CCDC102B: variants seen among roughly 807,000 people sequenced by gnomAD.
CCDC102B encodes the protein coiled-coil domain containing 102B, also known as coiled-coil domain-containing protein 102B.
In CCDC102B, 75 loss-of-function variants were observed where a neutral mutation model predicts 57.4. The ratio of observed to expected loss-of-function variants is 1.31; its 90% CI spans 1.08 to 1.58. CCDC102B has a LOEUF of 1.58. Ranked by LOEUF, CCDC102B falls within the 40% of genes most tolerant of loss-of-function variation. CCDC102B has a pLI of 0.00. For synonymous variants in CCDC102B, 206 were observed against 201.9 expected (o/e 1.02, Z -0.17); for missense variants, 636 against 582.6 (o/e 1.09, Z -0.94).
chr18:69,030,140 A>G (rs1459279053), intron 7 of CCDC102B, among the ~76,000 whole-genome samples: 1 of 152,220 alleles, frequency 6.6e-6, no homozygotes, highest in Non-Finnish European at 1.5e-5. Context: ...AGTGATAACA[A>G]CAAACCTAAA....
rs565700795 is a variant in CCDC102B, at chr18:68,911,614, T to C, written c.1263+14186T>C. Among the ~76,000 whole-genome samples the C allele has an allele frequency of 7.6e-4, 112 of 147,668 alleles. 1 individual carries two copies. The Middle Eastern group carries it at 0.01, about 14-fold the overall frequency. ...AAAAATACAAAAAATTAGCCGGGCG[T>C]GGTGGCGGGCGCCTGTAGTCCCAGC... is the stretch of plus-strand genomic sequence containing the variant. On this transcript the variant is annotated intron_variant, in intron 6 of 7. Transcript: ENST00000360242.
At chr18:68,830,634 T>TACA (rs200824282) in intron 1 of CCDC102B, among the ~76,000 whole-genome samples, 1 of 151,144 alleles carries the variant, frequency 6.6e-6, no homozygotes, top group African/African-American at 2.4e-5. Context: ...ATATTGTATA[T>TACA]TATGTTTATT....
At chr18:68,886,095 G>A (rs1443226403) in intron 5 of CCDC102B, among the ~76,000 whole-genome samples, 3 of 151,784 alleles carry the variant, frequency 2.0e-5, no homozygotes, top group Non-Finnish European at 2.9e-5. Context: ...ACGTGGCCGG[G>A]GGCAGTGGCT....
intron 1 of CCDC102B, among the ~76,000 whole-genome samples, chr18:68,822,380 C>G (rs112224182): frequency 0.024 from 3,506 of 146,432 alleles, 111 homozygotes; most frequent in African/African-American, 0.07. Context: ...GGCAACATAG[C>G]GAGACTCCAT....
At chr18:68,957,186 C>T (rs911491934) in intron 6 of CCDC102B, among the ~76,000 whole-genome samples, 1 of 151,930 alleles carries the variant, frequency 6.6e-6, no homozygotes, top group African/African-American at 2.4e-5. Flanking sequence ...GTGTATTATT[C>T]AAGAAATTTT....
At chr18:68,737,484 G>A (rs916677404) in intron 2 of CCDC102B, among the ~76,000 whole-genome samples, 1 of 151,686 alleles carries the variant, frequency 6.6e-6, no homozygotes, top group African/African-American at 2.4e-5. Flanking sequence ...TGGCAGTGGT[G>A]TGTGTATGTG....
chr18:68,803,756 A>G (rs2035936631), intron 1 of CCDC102B, among the ~76,000 whole-genome samples: 1 of 143,260 alleles, frequency 7.0e-6, no homozygotes, highest in Admixed American at 6.7e-5. Flanking sequence ...TTACATGGTC[A>G]CCAACCTAAT....
chr18:68,855,224 G>C (rs772286654), intron 4 of CCDC102B, among the ~76,000 whole-genome samples: 14 of 152,106 alleles, frequency 9.2e-5, no homozygotes, highest in Non-Finnish European at 1.3e-4. Flanking sequence ...TGAACCATAT[G>C]CTCAATGTTT....
intron 7 of CCDC102B, among the ~76,000 whole-genome samples, chr18:69,018,001 G>A (rs1281707050): frequency 1.3e-5 from 2 of 152,098 alleles, no homozygotes; most frequent in Non-Finnish European, 2.9e-5. Context: ...ATTTCTGTGT[G>A]TGTGTGTGTG....
At chr18:68,886,430 G>T (rs2039886376) in intron 5 of CCDC102B, among the ~76,000 whole-genome samples, 1 of 108,094 alleles carries the variant, frequency 9.3e-6, no homozygotes, top group Non-Finnish European at 1.9e-5. Flanking sequence ...GAAGTATTTG[G>T]ATATTAACAG....
At chr18:68,806,484 T>G (rs1388666436) in intron 1 of CCDC102B, among the ~76,000 whole-genome samples, 3 of 152,136 alleles carry the variant, frequency 2.0e-5, no homozygotes, top group African/African-American at 7.2e-5. Flanking sequence ...GCAAGTAATA[T>G]TATTAGTAAT....
At chr18:68,908,084 A>G (rs763970944) in intron 6 of CCDC102B, 5 of 152,164 alleles carry the variant, frequency 3.3e-5, no homozygotes, top group Non-Finnish European at 7.4e-5. Flanking sequence ...GGTGTTTTAA[A>G]TGACTCATTT....
intron 6 of CCDC102B, among the ~76,000 whole-genome samples, chr18:69,001,646 G>A (rs1325014189): frequency 2.0e-5 from 3 of 152,154 alleles, no homozygotes; most frequent in African/African-American, 7.2e-5. Flanking sequence ...CTCCACCACA[G>A]GGCACAGGCT....
chr18:68,887,604 C>T (rs1412207204), intron 5 of CCDC102B, among the ~76,000 whole-genome samples: 7 of 152,172 alleles, frequency 4.6e-5, no homozygotes, highest in African/African-American at 1.7e-4. Context: ...TCGATCCTTT[C>T]AACTAACTCA....
At chr18:69,031,079 G>C (rs930559768) in intron 7 of CCDC102B, among the ~76,000 whole-genome samples, 3 of 152,172 alleles carry the variant, frequency 2.0e-5, no homozygotes, top group African/African-American at 7.2e-5. Context: ...ATGACCTAAA[G>C]GGCTTCATTA....
chr18:68,997,309 A>G (rs2051056427), intron 6 of CCDC102B, among the ~76,000 whole-genome samples: 1 of 152,162 alleles, frequency 6.6e-6, no homozygotes. Flanking sequence ...TATACTTACA[A>G]TTCTAATTTG....
At chr18:68,813,786 A>T (rs2036367492) in intron 1 of CCDC102B, among the ~76,000 whole-genome samples, 1 of 150,018 alleles carries the variant, frequency 6.7e-6, no homozygotes, top group Non-Finnish European at 1.5e-5. Context: ...ATATATATAT[A>T]TATATATCTT....
chr18:68,747,658 T>C (rs192511588), intron 2 of CCDC102B, among the ~76,000 whole-genome samples: 490 of 152,294 alleles, frequency 3.2e-3, no homozygotes, highest in Admixed American at 5.1e-3. Context: ...CTTAGCATAA[T>C]GTACTCCAGG....
chr18:68,806,588 A>G (rs958012601), intron 1 of CCDC102B, among the ~76,000 whole-genome samples: 3 of 152,164 alleles, frequency 2.0e-5, no homozygotes, highest in African/African-American at 4.8e-5. Flanking sequence ...ATCAGAATGC[A>G]GTTTTCTATT....
Sources: allele counts gnomAD v4.1 joint callset (sites outside exome capture counted in the v4.1 genomes callset), GRCh38; gene constraint gnomAD v4.1.1; transcripts MANE v1.5; gene names NCBI Gene and HGNC (gene_info 2026-07-23, HGNC 2026-07-21).